Variants in ARB2A observed in about 807,000 individuals in gnomAD.
ARB2A encodes ARB2 cotranscriptional regulator A.
the ARB2A span, among the ~76,000 whole-genome samples, chr5:93,919,425 T>C: frequency 6.6e-6 from 1 of 152,144 alleles, no homozygotes; most frequent in African/African-American, 2.4e-5. Context: ...TAAAGTAGAT[T>C]AGCAAAGATT....
At chr5:93,856,663 T>G in the ARB2A span, among the ~76,000 whole-genome samples, 4 of 152,178 alleles carry the variant, frequency 2.6e-5, no homozygotes, top group Admixed American at 2.6e-4. Flanking sequence ...CTGTATTGGT[T>G]ATTCTAGTTA....
chr5:93,955,286 C>G, the ARB2A span, among the ~76,000 whole-genome samples: 1 of 152,118 alleles, frequency 6.6e-6, no homozygotes, highest in South Asian at 2.1e-4. Flanking sequence ...TCATATACAA[C>G]TAGGTATTTA....
At chr5:94,033,310 CAGA>C in the ARB2A span, among the ~76,000 whole-genome samples, 1 of 152,088 alleles carries the variant, frequency 6.6e-6, no homozygotes, top group South Asian at 2.1e-4. Flanking sequence ...GGCTCACAAC[CAGA>C]AGGAGTGTGC....
chr5:93,621,227 G>A, the ARB2A span: 1 of 1,124,516 alleles, frequency 8.9e-7, no homozygotes, highest in East Asian at 3.3e-5. Context: ...CCGACCACCC[G>A]GTCCCGCCCC....
At chr5:93,677,664 C>G in the ARB2A span, among the ~76,000 whole-genome samples, 1 of 152,196 alleles carries the variant, frequency 6.6e-6, no homozygotes, top group Non-Finnish European at 1.5e-5. Flanking sequence ...TTGTATCCCA[C>G]TTGCAGCATG....
chr5:93,963,361 G>A, the ARB2A span, among the ~76,000 whole-genome samples: 2 of 151,940 alleles, frequency 1.3e-5, no homozygotes, highest in African/African-American at 4.8e-5. Flanking sequence ...CTGTTACACA[G>A]AATAATATTT....
chr5:93,836,483 T>C, the ARB2A span, among the ~76,000 whole-genome samples: 1 of 152,262 alleles, frequency 6.6e-6, no homozygotes, highest in Non-Finnish European at 1.5e-5. Context: ...TATTTAACTC[T>C]TTTGTATATT....
the ARB2A span, among the ~76,000 whole-genome samples, chr5:93,714,398 T>C: frequency 6.6e-6 from 1 of 152,196 alleles, no homozygotes; most frequent in African/African-American, 2.4e-5. Flanking sequence ...CAGGTGCAAA[T>C]ATGCTTCCCA....
the ARB2A span, among the ~76,000 whole-genome samples, chr5:93,899,792 G>A: frequency 1.3e-5 from 2 of 152,272 alleles, no homozygotes; most frequent in East Asian, 3.9e-4. Context: ...TATGCCAGTA[G>A]TAATAGTTTT....
At chr5:93,845,623 T>C in the ARB2A span, among the ~76,000 whole-genome samples, 42 of 152,296 alleles carry the variant, frequency 2.8e-4, 1 homozygote, top group African/African-American at 9.9e-4. Flanking sequence ...ATGGCAAGGA[T>C]GCAGGATATA....
the ARB2A span, among the ~76,000 whole-genome samples, chr5:94,065,206 A>G: frequency 6.6e-6 from 1 of 152,332 alleles, no homozygotes; most frequent in Admixed American, 6.5e-5. Context: ...ATAAACTGAA[A>G]GAACAGGGAT....
the ARB2A span, among the ~76,000 whole-genome samples, chr5:93,789,313 G>A: frequency 6.6e-6 from 1 of 152,052 alleles, no homozygotes; most frequent in African/African-American, 2.4e-5. Context: ...TAAATCCAAG[G>A]ATCATTACTA....
chr5:93,867,999 A>C, the ARB2A span, among the ~76,000 whole-genome samples: 1 of 152,344 alleles, frequency 6.6e-6, no homozygotes, highest in South Asian at 2.1e-4. Flanking sequence ...ACAATTTCAC[A>C]TTTGCAAATA....
chr5:93,893,263 G>A, the ARB2A span, among the ~76,000 whole-genome samples: 2 of 152,018 alleles, frequency 1.3e-5, no homozygotes, highest in African/African-American at 2.4e-5. Context: ...AATGGGGAGC[G>A]GCCTCCTCAC....
the ARB2A span, among the ~76,000 whole-genome samples, chr5:94,101,499 C>T: frequency 1.3e-5 from 2 of 152,130 alleles, no homozygotes; most frequent in Non-Finnish European, 2.9e-5. Context: ...TGAATGTTCA[C>T]TGCAGTACTG....
the ARB2A span, chr5:94,074,638 G>A: frequency 1.2e-6 from 2 of 1,605,986 alleles, no homozygotes; most frequent in Non-Finnish European, 1.7e-6. Context: ...AGCAAATTAA[G>A]TATGTACCTT....
chr5:93,621,585 A>C, the ARB2A span, among the ~76,000 whole-genome samples: 1 of 152,118 alleles, frequency 6.6e-6, no homozygotes, highest in Non-Finnish European at 1.5e-5. Flanking sequence ...CACTCCCGAG[A>C]CTCGGCGCGC....
At chr5:93,630,281 C>T in the ARB2A span, among the ~76,000 whole-genome samples, 10 of 152,174 alleles carry the variant, frequency 6.6e-5, no homozygotes, top group South Asian at 1.2e-3. Flanking sequence ...GTGAATGGGG[C>T]GTGATGGGGT....
the ARB2A span, among the ~76,000 whole-genome samples, chr5:93,795,219 C>A: frequency 1.3e-5 from 2 of 152,064 alleles, no homozygotes; most frequent in Non-Finnish European, 2.9e-5. Context: ...ATGCAGGTTG[C>A]CAGGAAAGTG....
Sources: allele counts gnomAD v4.1 joint callset (sites outside exome capture counted in the v4.1 genomes callset), GRCh38; gene constraint gnomAD v4.1.1; transcripts MANE v1.5; gene names NCBI Gene and HGNC (gene_info 2026-07-23, HGNC 2026-07-21).